Variants in SEMA3C observed in about 807,000 individuals in gnomAD.
SEMA3C encodes semaphorin 3C.
SEMA3C carries 47 observed loss-of-function variants against 89.4 expected under a neutral mutation model. The ratio of observed to expected loss-of-function variants is 0.53; its 90% confidence interval spans 0.42 to 0.67. SEMA3C has a LOEUF of 0.67. Among genes scored for constraint, SEMA3C ranks in the 30% least tolerant of loss-of-function variants. The probability of loss-of-function intolerance (pLI) is 0.00; values close to 1 mark genes in which losing one functional copy is unlikely to be tolerated. For synonymous variants in SEMA3C, 310 were observed against 320.2 expected (o/e 0.97, Z 0.34); for missense variants, 839 against 929.1 (o/e 0.90, Z 1.26).
chr7:80,822,708 C>A, intron 4 of SEMA3C, among the ~76,000 whole-genome samples: 1 of 152,200 alleles, frequency 6.6e-6, no homozygotes. Context: ...ATGCTTCAAT[C>A]TTTGCATTCC....
chr7:80,868,268 TATTC>T (rs1790975674), intron 2 of SEMA3C, among the ~76,000 whole-genome samples: 1 of 152,160 alleles, frequency 6.6e-6, no homozygotes, highest in African/African-American at 2.4e-5. Context: ...ACTTTATTTT[TATTC>T]ATTATTTTTT....
chr7:80,870,100 C>T (rs1012777990), intron 2 of SEMA3C, among the ~76,000 whole-genome samples: 14 of 152,154 alleles, frequency 9.2e-5, no homozygotes, highest in African/African-American at 3.4e-4. Flanking sequence ...CTGAACTTCT[C>T]TCATCTTATG....
intron 2 of SEMA3C, among the ~76,000 whole-genome samples, chr7:80,903,605 T>C (rs1791936783): frequency 6.6e-6 from 1 of 152,098 alleles, no homozygotes; most frequent in Admixed American, 6.5e-5. Flanking sequence ...AAGGTTGCAG[T>C]GAGCTGAGAT....
At chr7:80,912,263 A>G (rs1584004327) in intron 2 of SEMA3C, among the ~76,000 whole-genome samples, 1 of 152,204 alleles carries the variant, frequency 6.6e-6, no homozygotes, top group East Asian at 1.9e-4. Flanking sequence ...TGTTCTTTGC[A>G]ATACCTGAAA....
chr7:80,874,897 A>G (rs188124237), intron 2 of SEMA3C, among the ~76,000 whole-genome samples: 1 of 152,116 alleles, frequency 6.6e-6, no homozygotes, highest in African/African-American at 2.4e-5. Flanking sequence ...CCTGACCAAC[A>G]AGATGAAACC....
intron 5 of SEMA3C, among the ~76,000 whole-genome samples, chr7:80,812,591 C>T (rs1351862826): frequency 1.3e-5 from 2 of 152,158 alleles, no homozygotes; most frequent in African/African-American, 2.4e-5. Flanking sequence ...TTGCTCTCAA[C>T]TGACCTACTC....
intron 2 of SEMA3C, among the ~76,000 whole-genome samples, chr7:80,837,614 C>T (rs1408369946): frequency 6.6e-6 from 1 of 152,164 alleles, no homozygotes; most frequent in Non-Finnish European, 1.5e-5. Context: ...TCAAACTTGC[C>T]TTGCTCCTTT....
At chr7:80,820,567 T>G (rs1218432970) in intron 4 of SEMA3C, among the ~76,000 whole-genome samples, 1 of 152,190 alleles carries the variant, frequency 6.6e-6, no homozygotes, top group African/African-American at 2.4e-5. Context: ...TGATAGATTT[T>G]TATTATTAAA....
intron 5 of SEMA3C, among the ~76,000 whole-genome samples, chr7:80,813,808 C>T (rs1789530830): frequency 6.6e-6 from 1 of 152,168 alleles, no homozygotes; most frequent in South Asian, 2.1e-4. Flanking sequence ...TACGTACATC[C>T]TCACCACCAT....
At chr7:80,793,564 A>G (rs575542673) in intron 11 of SEMA3C, 1 of 413,330 alleles carries the variant, frequency 2.4e-6, no homozygotes, top group Admixed American at 3.0e-5. Context: ...TTTGAAACAA[A>G]TGTAAGATAA....
chr7:80,807,640 G>C lies in SEMA3C; in HGVS notation c.539-1882C>G, dbSNP rs111228996. On this transcript the variant is annotated intron_variant, in intron 6 of 17. Transcript: ENST00000265361. ...AGAAAAACTTCATAAAGTTATGTAGGCTCTTTAAAAGATAACATCTGACTT... is the reference window on the plus strand; with the variant it reads ...AGAAAAACTTCATAAAGTTATGTAGCCTCTTTAAAAGATAACATCTGACTT... 5.9e-5 allele frequency among the ~76,000 whole-genome samples: 9 copies of C among 152,154 alleles called. No individual in the cohort carries two copies. The East Asian group carries it at 1.5e-3, about 26-fold the overall frequency.
intron 2 of SEMA3C, among the ~76,000 whole-genome samples, chr7:80,886,316 A>C (rs191691932): frequency 1.0e-3 from 155 of 152,144 alleles, no homozygotes; most frequent in African/African-American, 3.4e-3. Flanking sequence ...TGCATTTATG[A>C]AACAGGCTCA....
At chr7:80,745,498 C>A (rs1787780405) in intron 17 of SEMA3C, among the ~76,000 whole-genome samples, 191 bp from the exon 18 acceptor site, 1 of 149,456 alleles carries the variant, frequency 6.7e-6, no homozygotes. Flanking sequence ...CATGGGAGAT[C>A]TTGTCACAGT....
chr7:80,866,483 A>G (rs1278142021), intron 2 of SEMA3C, among the ~76,000 whole-genome samples: 1 of 152,160 alleles, frequency 6.6e-6, no homozygotes, highest in Non-Finnish European at 1.5e-5. Context: ...AAGACAGGGC[A>G]AAAAATAAAT....
chr7:80,864,522 A>G (rs1347251473), intron 2 of SEMA3C, among the ~76,000 whole-genome samples: 1 of 152,140 alleles, frequency 6.6e-6, no homozygotes, highest in Non-Finnish European at 1.5e-5. Flanking sequence ...TAAATTAGCT[A>G]GTAATAGGGA....
intron 7 of SEMA3C, 71 bp from the exon 8 acceptor site, chr7:80,804,319 A>T (rs2115681576): frequency 9.3e-7 from 1 of 1,072,476 alleles, no homozygotes; most frequent in East Asian, 2.8e-5. Context: ...CAAGTAGACC[A>T]CAGGCAGATG....
At chr7:80,775,564 A>G (rs1788529669) in intron 12 of SEMA3C, among the ~76,000 whole-genome samples, 1 of 152,108 alleles carries the variant, frequency 6.6e-6, no homozygotes, top group Non-Finnish European at 1.5e-5. Context: ...CTACAAATCT[A>G]AAAATCTTAA....
intron 2 of SEMA3C, among the ~76,000 whole-genome samples, chr7:80,834,238 A>G (rs1790075149): frequency 6.6e-6 from 1 of 152,144 alleles, no homozygotes; most frequent in Admixed American, 6.5e-5. Context: ...TACAATCTAC[A>G]TTATTGTAGA....
intron 17 of SEMA3C, among the ~76,000 whole-genome samples, chr7:80,746,086 C>T (rs1468250098): frequency 2.6e-5 from 4 of 152,060 alleles, no homozygotes; most frequent in Admixed American, 2.6e-4. Flanking sequence ...TAGATAAAAA[C>T]CTAAGTGGTA....
Sources: gnomAD v4.1 joint callset for allele counts (sites outside exome capture counted in the v4.1 genomes callset) on GRCh38, gnomAD v4.1.1 for gene constraint, MANE v1.5 for transcripts, NCBI Gene and HGNC (gene_info 2026-07-23, HGNC 2026-07-21) for gene names.